Variants in PUM2 observed in about 807,000 individuals in gnomAD.
The protein encoded by PUM2 is pumilio homolog 2.
A neutral mutation model predicts 124.5 loss-of-function variants in PUM2; 57 were observed. The ratio of observed to expected loss-of-function variants is 0.46; its 90% CI spans 0.37 to 0.57. The LOEUF (loss-of-function observed/expected upper bound fraction) is 0.57, where lower values mean the gene tolerates loss of function less well. PUM2 is among the 20% of genes least tolerant of loss of function. The pLI, the probability that PUM2 is intolerant of heterozygous loss-of-function variation, is 0.00. For missense variants in PUM2, 1,065 were observed against 1,290.6 expected (o/e 0.83, Z 2.68); for synonymous variants, 460 against 446.1 (o/e 1.03, Z -0.39).
chr2:20,312,796 T>A (rs1033135052), intron 3 of PUM2, among the ~76,000 whole-genome samples: 1 of 152,156 alleles, frequency 6.6e-6, no homozygotes, highest in Non-Finnish European at 1.5e-5. Flanking sequence ...GTTGGAGACA[T>A]CACGCTACTT....
At chr2:20,319,849 T>C (rs1681879370) in intron 2 of PUM2, among the ~76,000 whole-genome samples, 1 of 151,854 alleles carries the variant, frequency 6.6e-6, no homozygotes, top group Non-Finnish European at 1.5e-5. Context: ...TAGAGAAGAG[T>C]TAGCAAGGGT....
chr2:20,312,133 C>A, intron 4 of PUM2, 103 bp downstream of exon 4: 1 of 1,088,242 alleles, frequency 9.2e-7, no homozygotes, highest in Non-Finnish European at 1.3e-6. Flanking sequence ...TTTCTCTTAG[C>A]TATAGGAAGG....
At chr2:20,335,084 C>A (rs912609330) in intron 1 of PUM2, among the ~76,000 whole-genome samples, 1 of 152,110 alleles carries the variant, frequency 6.6e-6, no homozygotes, top group Non-Finnish European at 1.5e-5. Context: ...CCACCACCCC[C>A]AGCAAATTTT....
chr2:20,321,389 C>T (rs759988372), intron 2 of PUM2, among the ~76,000 whole-genome samples: 5 of 152,214 alleles, frequency 3.3e-5, no homozygotes, highest in Non-Finnish European at 7.4e-5. Context: ...TCTACTATGG[C>T]CAAGCACTAT....
chr2:20,338,338 A>G (rs554530710), intron 1 of PUM2, among the ~76,000 whole-genome samples: 1 of 152,306 alleles, frequency 6.6e-6, no homozygotes, highest in South Asian at 2.1e-4. Context: ...CGGAGGTTGC[A>G]GTGAGCCGAG....
chr2:20,303,662 C>A (rs999251244), intron 7 of PUM2, among the ~76,000 whole-genome samples: 1 of 152,156 alleles, frequency 6.6e-6, no homozygotes, highest in Non-Finnish European at 1.5e-5. Context: ...CATAGCTTTT[C>A]ATTTCTCCTT....
At position 20,348,094 on chromosome 2, in the gene PUM2, G is replaced by C. The variant is rs191771483; in HGVS notation, c.-19+2503C>G. Among the ~76,000 whole-genome samples, 451 of 152,046 alleles carry C rather than the reference G, an allele frequency of 3.0e-3. 1 individual carries two copies. The highest frequency in any genetic ancestry group is 6.8e-3 in the Middle Eastern group (2 of 294). On this transcript the variant is annotated intron_variant, in intron 1 of 20. Transcript: ENST00000361078. The stretch of plus-strand genomic sequence containing the variant: ...TACCAACATTTTGGGAGGCCAAGGC[G>C]GGAGAACTGCTTGAGCCCAGGAGTT...
At position 20,307,964 on chromosome 2, in the gene PUM2, G is replaced by C; in HGVS notation, c.883+14C>G. 8 of 1,608,452 alleles carry C rather than the reference G, an allele frequency of 5.0e-6. No homozygotes were observed. The South Asian group carries it at 7.7e-5, about 16-fold the overall frequency. On this transcript the variant is annotated intron_variant, in intron 7 of 20. Transcript: ENST00000361078. Reference sequence around the variant, plus strand: ...ACAAGACTTTGGTCAAAATGAGAACGTATGAAGACTCACCTATATGTGGCT... The same window carrying C: ...ACAAGACTTTGGTCAAAATGAGAACCTATGAAGACTCACCTATATGTGGCT...
chr2:20,253,277 C>T (rs1430749939), intron 20 of PUM2, among the ~76,000 whole-genome samples: 1 of 152,148 alleles, frequency 6.6e-6, no homozygotes, highest in African/African-American at 2.4e-5. Flanking sequence ...ATGAACACAG[C>T]CCACTGTAGC....
At chr2:20,278,961 CTA>C in intron 12 of PUM2, 142 bp from the exon 13 acceptor site, 6 of 645,342 alleles carry the variant, frequency 9.3e-6, no homozygotes, top group South Asian at 8.0e-5. Flanking sequence ...ACTGTGATAA[CTA>C]TATATACTAA....
chr2:20,283,821 T>G (rs936443362), intron 10 of PUM2, among the ~76,000 whole-genome samples: 1 of 152,124 alleles, frequency 6.6e-6, no homozygotes, highest in African/African-American at 2.4e-5. Context: ...GAAGAAGGAT[T>G]AAAAAAACTG....
At chr2:20,254,766 C>A in intron 19 of PUM2, 97 bp downstream of exon 19, 1 of 1,242,094 alleles carries the variant, frequency 8.1e-7, no homozygotes, top group East Asian at 2.5e-5. Flanking sequence ...AAAAAGACTA[C>A]AGTTTAATGC....
chr2:20,265,870 C>A (rs1365019841), intron 13 of PUM2, among the ~76,000 whole-genome samples: 3 of 152,162 alleles, frequency 2.0e-5, no homozygotes, highest in Non-Finnish European at 4.4e-5. Flanking sequence ...CTCAAACACC[C>A]TTAATGCATT....
intron 1 of PUM2, 154 bp downstream of exon 1, chr2:20,350,443 G>A: frequency 1.0e-6 from 1 of 968,986 alleles, no homozygotes; most frequent in Non-Finnish European, 1.2e-6. Flanking sequence ...CATTGTGCGA[G>A]CGGGCCCCAG....
At chr2:20,346,657 C>T (rs1377797873) in intron 1 of PUM2, among the ~76,000 whole-genome samples, 3 of 152,134 alleles carry the variant, frequency 2.0e-5, no homozygotes, top group Non-Finnish European at 2.9e-5. Context: ...AAAGAGCTGT[C>T]CTCAAACCAG....
chr2:20,287,780 G>A (rs1490565110), intron 10 of PUM2, among the ~76,000 whole-genome samples: 1 of 152,182 alleles, frequency 6.6e-6, no homozygotes, highest in Non-Finnish European at 1.5e-5. Context: ...GGATGTGGAG[G>A]CACAGAAGAA....
At chr2:20,331,894 C>T (rs1684998188) in intron 1 of PUM2, 1 of 152,186 alleles carries the variant, frequency 6.6e-6, no homozygotes, top group Non-Finnish European at 1.5e-5. Context: ...GCCATATGAT[C>T]TCTGCTGCAG....
chr2:20,346,263 G>A (rs1382459319), intron 1 of PUM2, among the ~76,000 whole-genome samples: 1 of 152,184 alleles, frequency 6.6e-6, no homozygotes, highest in Non-Finnish European at 1.5e-5. Context: ...GTTTTTGCAT[G>A]TAATCATGCT....
At chr2:20,314,518 T>C (rs1162100513) in intron 3 of PUM2, among the ~76,000 whole-genome samples, 1 of 152,224 alleles carries the variant, frequency 6.6e-6, no homozygotes, top group African/African-American at 2.4e-5. Context: ...GGAAACTTTT[T>C]TGAAAGAACC....
Sources: allele counts gnomAD v4.1 joint callset (sites outside exome capture counted in the v4.1 genomes callset), GRCh38; gene constraint gnomAD v4.1.1; transcripts MANE v1.5; gene names NCBI Gene and HGNC (gene_info 2026-07-23, HGNC 2026-07-21).